Variants in XRN1 observed in about 807,000 individuals in gnomAD.
XRN1 encodes strand-exchange protein 1 homolog.
In XRN1, 67 loss-of-function variants were observed where a neutral mutation model predicts 222.3. The ratio of observed to expected loss-of-function variants is 0.30; its 90% confidence interval spans 0.25 to 0.37. The LOEUF is 0.37. Among genes scored for constraint, XRN1 ranks in the 10% least tolerant of loss-of-function variants. XRN1 has a pLI of 1.00. For synonymous variants in XRN1, 643 were observed against 652.4 expected, an observed-to-expected ratio of 0.99 and a Z score of 0.22; for missense variants, 1,707 against 2,000.2, an observed-to-expected ratio of 0.85 and a Z score of 2.80.
chr3:142,419,642 C>G (rs1226323613), intron 10 of XRN1, among the ~76,000 whole-genome samples: 1 of 152,118 alleles, frequency 6.6e-6, no homozygotes, highest in African/African-American at 2.4e-5. Context: ...AACCCCGTCT[C>G]TACTAAAAAT....
intron 34 of XRN1, among the ~76,000 whole-genome samples, chr3:142,334,769 C>T (rs944289804): frequency 3.0e-5 from 4 of 131,366 alleles, no homozygotes; most frequent in Admixed American, 1.5e-4. Flanking sequence ...TCTATGTATA[C>T]ACACACACAC....
Position 142,307,411 on chromosome 3 carries a change from T to C in XRN1, c.*4100A>G. On this transcript the variant is annotated 3_prime_UTR_variant, in exon 41 of 41. Transcript: ENST00000392981. Reference sequence around the variant, plus strand: ...TTACAGGTTTAACTTTGTAAAAAAATGTATCTTTTGGAAACCATAGTCTCC... The same window carrying C: ...TTACAGGTTTAACTTTGTAAAAAAACGTATCTTTTGGAAACCATAGTCTCC... 6.6e-6 allele frequency: 1 copy of C among 151,794 alleles called. No homozygotes were observed. The highest frequency in any genetic ancestry group is 1.9e-4 in the East Asian group (1 of 5,198). The allele number at this position is 151,794 out of a possible 1,614,324, so 9.4% of individuals were successfully genotyped here.
intron 20 of XRN1, among the ~76,000 whole-genome samples, chr3:142,389,751 C>T (rs145501325): frequency 7.4e-4 from 112 of 152,238 alleles, no homozygotes; most frequent in African/African-American, 2.5e-3. Flanking sequence ...AACTACTGAC[C>T]CCAGGTGATC....
rs779306077 is a variant in XRN1 at position 142,353,801 on chromosome 3, C to T, written c.3768+1600G>A. Among the ~76,000 whole-genome samples the T allele has an allele frequency of 1.3e-4, 20 of 152,028 alleles. 1 individual carries two copies. Among genetic ancestry groups the T allele is most frequent in the Non-Finnish European group, 2.8e-4 (19 of 68,002 alleles). ...GTATGACTAAGTCCTCAAAAGCAAT[C>T]GCAACAAAAACAAAAATTTACAAGT... On this transcript the variant is annotated intron_variant, in intron 32 of 40. Transcript: ENST00000392981.
At chr3:142,432,426 A>T (rs182390172) in intron 2 of XRN1, among the ~76,000 whole-genome samples, 7 of 151,164 alleles carry the variant, frequency 4.6e-5, no homozygotes, top group Non-Finnish European at 8.8e-5. Context: ...GTCTCAACAA[A>T]CAAACAAACA....
In XRN1 at chr3:142,414,270, T is replaced by G; in HGVS notation, c.1458A>C (p.Ala486=). ...TGTTGTGTATATCAGACAGGAAAGG[T>G]GCATAATGATAAGGATAATACCTAT... is the stretch of plus-strand genomic sequence containing the variant. ...SWSWYYPYHY[A]PFLSDIHNIS... Residue 486 remains alanine, a synonymous_variant, in exon 14 of 41, where the codon GCA becomes GCC. Transcript: ENST00000392981. 1 of 1,611,036 alleles carries G rather than the reference T, an allele frequency of 6.2e-7. No homozygotes were observed. Among genetic ancestry groups the G allele is most frequent in the Non-Finnish European group, 8.5e-7 (1 of 1,178,696 alleles).
chr3:142,347,440 A>T (rs2066176990), intron 32 of XRN1, 98 bp from the exon 33 acceptor site: 1 of 788,310 alleles, frequency 1.3e-6, no homozygotes, highest in Non-Finnish European at 1.8e-6. Context: ...AAAATTATAT[A>T]GTTCCTTAGA....
intron 25 of XRN1, among the ~76,000 whole-genome samples, chr3:142,374,397 G>A (rs1318892712): frequency 6.6e-6 from 1 of 152,128 alleles, no homozygotes; most frequent in Non-Finnish European, 1.5e-5. Flanking sequence ...AAACAGCTAT[G>A]ACACAGAATT....
At position 142,433,953 on chromosome 3, in the gene XRN1, A is replaced by G. The variant is rs2069744883; in HGVS notation, c.76-1060T>C. On this transcript the variant is annotated intron_variant, in intron 1 of 40. Coordinates refer to ENST00000392981, the MANE Select transcript of XRN1 (RefSeq NM_001282857.2). ...CCATCAAAACATATTTTTATGAAATACCTATTTATATAGTATTGTATGTAC... is the reference window on the plus strand; with the variant it reads ...CCATCAAAACATATTTTTATGAAATGCCTATTTATATAGTATTGTATGTAC... 2.0e-5 allele frequency among the ~76,000 whole-genome samples: 3 copies of G among 152,308 alleles called. No individual in the cohort carries two copies. The South Asian group carries it at 6.2e-4, about 32-fold the overall frequency.
intron 18 of XRN1, among the ~76,000 whole-genome samples, chr3:142,401,670 C>T (rs1238306674): frequency 1.3e-5 from 2 of 152,030 alleles, no homozygotes; most frequent in Non-Finnish European, 1.5e-5. Context: ...CCCAAGATAG[C>T]GCCACTGCAC....
At chr3:142,410,401 A>C (rs1173809531) in intron 15 of XRN1, among the ~76,000 whole-genome samples, 1 of 151,412 alleles carries the variant, frequency 6.6e-6, no homozygotes, top group East Asian at 1.9e-4. Context: ...GGTAAATTAC[A>C]TTGCAAACTA....
intron 2 of XRN1, among the ~76,000 whole-genome samples, chr3:142,431,983 T>A (rs369848172): frequency 1.1e-3 from 79 of 74,978 alleles, no homozygotes; most frequent in Non-Finnish European, 1.5e-3. Context: ...TTGTATATAT[T>A]ATATAATATA....
chr3:142,335,401 T>G (rs1248143334), intron 34 of XRN1, 47 bp downstream of exon 34: 1 of 1,549,516 alleles, frequency 6.5e-7, no homozygotes, highest in African/African-American at 1.4e-5. Flanking sequence ...AGCCACCAAT[T>G]GCATTAAAAA....
Position 142,383,416 on chromosome 3 carries a change from A to G in XRN1, c.2503-3T>C. ...CGGGAGTCGAAAGCTCGGATGTCCT[A>G]CATAAAATAAAAGTAAATAATCTTA... On this transcript the variant is annotated splice_polypyrimidine_tract_variant and splice_region_variant and intron_variant, in intron 21 of 40. Transcript: ENST00000392981. The G allele has an allele frequency of 6.2e-7, 1 of 1,601,238 alleles. No individual in the cohort carries two copies. Among genetic ancestry groups the G allele is most frequent in the Non-Finnish European group, 8.5e-7 (1 of 1,174,046 alleles).
chr3:142,365,962 T>A (rs1401820761), intron 27 of XRN1, among the ~76,000 whole-genome samples: 1 of 152,176 alleles, frequency 6.6e-6, no homozygotes, highest in Non-Finnish European at 1.5e-5. Context: ...GTGGCATTCA[T>A]TTGACAAAAC....
intron 33 of XRN1, among the ~76,000 whole-genome samples, chr3:142,344,567 T>C (rs997459141): frequency 6.6e-6 from 1 of 151,840 alleles, no homozygotes; most frequent in Non-Finnish European, 1.5e-5. Context: ...AATAAACAGT[T>C]AAGGCAATAT....
intron 16 of XRN1, among the ~76,000 whole-genome samples, chr3:142,404,478 A>C (rs1005960339): frequency 3.9e-5 from 6 of 152,196 alleles, no homozygotes; most frequent in African/African-American, 1.4e-4. Context: ...TGAAGAGAAA[A>C]AAATGGAGCT....
chr3:142,402,407 T>G (rs980923741), intron 18 of XRN1, among the ~76,000 whole-genome samples: 1 of 152,110 alleles, frequency 6.6e-6, no homozygotes, highest in South Asian at 2.1e-4. Context: ...TGTCTTGAAC[T>G]CCTGACCTCA....
chr3:142,446,738 A>G (rs909774791), intron 1 of XRN1, among the ~76,000 whole-genome samples: 3 of 151,964 alleles, frequency 2.0e-5, no homozygotes, highest in Admixed American at 6.5e-5. Flanking sequence ...TCCCCGGGGG[A>G]AAAAAATACC....
Sources: gnomAD v4.1 joint callset for allele counts (sites outside exome capture counted in the v4.1 genomes callset) on GRCh38, gnomAD v4.1.1 for gene constraint, MANE v1.5 for transcripts, NCBI Gene and HGNC (gene_info 2026-07-23, HGNC 2026-07-21) for gene names.